The following GRM7 variants were observed in gnomAD, a reference collection of about 807,000 sequenced individuals.
The protein encoded by GRM7 is metabotropic glutamate receptor 7.
A neutral mutation model predicts 84.5 loss-of-function variants in GRM7; 35 were observed. That is an observed-to-expected ratio of 0.41 (90% CI 0.32 to 0.55). The LOEUF is 0.55. GRM7 is among the 20% of genes least tolerant of loss of function. GRM7 has a pLI of 0.19. For missense variants in GRM7, 1,003 were observed against 1,194.6 expected (o/e 0.84, Z 2.36); for synonymous variants, 487 against 455.1 (o/e 1.07, Z -0.89).
intron 9 of GRM7, among the ~76,000 whole-genome samples, chr3:7,730,399 C>A (rs1702283220): frequency 6.6e-6 from 1 of 152,192 alleles, no homozygotes; most frequent in Admixed American, 6.5e-5. Flanking sequence ...TGCACAGTAA[C>A]ATGGCTACAT....
chr3:7,362,287 G>GA (rs1211913794), intron 4 of GRM7, among the ~76,000 whole-genome samples: 1 of 151,874 alleles, frequency 6.6e-6, no homozygotes, highest in Non-Finnish European at 1.5e-5. Flanking sequence ...TGAACATTTT[G>GA]AAACACAGCA....
chr3:7,050,416 C>T (rs746197962), intron 1 of GRM7, among the ~76,000 whole-genome samples: 37 of 151,806 alleles, frequency 2.4e-4, no homozygotes, highest in Non-Finnish European at 4.3e-4. Flanking sequence ...TCATAAGCTT[C>T]GTAGCCTGGA....
chr3:7,712,199 C>G (rs1369257532), intron 9 of GRM7, among the ~76,000 whole-genome samples: 1 of 152,196 alleles, frequency 6.6e-6, no homozygotes, highest in African/African-American at 2.4e-5. Context: ...GTAAACCTTT[C>G]TAGGCCTCAC....
chr3:7,095,591 T>C (rs1276994347), intron 1 of GRM7, among the ~76,000 whole-genome samples: 2 of 152,186 alleles, frequency 1.3e-5, no homozygotes, highest in Non-Finnish European at 2.9e-5. Flanking sequence ...GTCAATGTTT[T>C]CTATTATATC....
intron 7 of GRM7, among the ~76,000 whole-genome samples, chr3:7,528,906 A>C (rs1226611315): frequency 6.6e-6 from 1 of 152,064 alleles, no homozygotes; most frequent in East Asian, 1.9e-4. Flanking sequence ...GTTTTTTTAA[A>C]TTTATTGAGA....
At chr3:7,385,937 A>T (rs1426833786) in intron 4 of GRM7, among the ~76,000 whole-genome samples, 1 of 152,232 alleles carries the variant, frequency 6.6e-6, no homozygotes, top group Non-Finnish European at 1.5e-5. Context: ...GATGCTTCAT[A>T]CTGAAACAAA....
At chr3:7,463,712 A>G (rs1041516381) in intron 7 of GRM7, among the ~76,000 whole-genome samples, 6 of 152,222 alleles carry the variant, frequency 3.9e-5, no homozygotes, top group African/African-American at 1.4e-4. Context: ...AGCAGGTCAG[A>G]TGGCTGATGT....
At chr3:6,945,614 T>C (rs984253586) in intron 1 of GRM7, among the ~76,000 whole-genome samples, 30 of 152,216 alleles carry the variant, frequency 2.0e-4, no homozygotes, top group African/African-American at 7.2e-4. Context: ...TATTTCTAGT[T>C]CTAGATCCCT....
chr3:7,327,680 C>G (rs1190311049), intron 4 of GRM7, among the ~76,000 whole-genome samples: 1 of 152,148 alleles, frequency 6.6e-6, no homozygotes, highest in Non-Finnish European at 1.5e-5. Context: ...CCAACTTTTG[C>G]TCTTTAATCT....
chr3:7,445,337 A>G (rs1697461854), intron 5 of GRM7, among the ~76,000 whole-genome samples: 1 of 152,202 alleles, frequency 6.6e-6, no homozygotes, highest in African/African-American at 2.4e-5. Flanking sequence ...TGGGCAATGA[A>G]GTAACAGAGA....
At chr3:7,067,589 C>A (rs1324672210) in intron 1 of GRM7, among the ~76,000 whole-genome samples, 2 of 151,868 alleles carry the variant, frequency 1.3e-5, no homozygotes, top group East Asian at 1.9e-4. Flanking sequence ...GCATGACTCC[C>A]AGGAATACTC....
At chr3:7,003,849 C>A (rs763460650) in intron 1 of GRM7, among the ~76,000 whole-genome samples, 3 of 152,102 alleles carry the variant, frequency 2.0e-5, no homozygotes, top group Non-Finnish European at 4.4e-5. Context: ...AGCAGGTTAG[C>A]TAACTTGGGG....
chr3:7,007,419 A>C (rs926826127), intron 1 of GRM7, among the ~76,000 whole-genome samples: 13 of 152,228 alleles, frequency 8.5e-5, no homozygotes, highest in African/African-American at 2.9e-4. Flanking sequence ...TTATATCCCC[A>C]AAAATAGAAA....
At chr3:7,500,975 G>A (rs1161993682) in intron 7 of GRM7, among the ~76,000 whole-genome samples, 3 of 152,216 alleles carry the variant, frequency 2.0e-5, no homozygotes, top group Non-Finnish European at 4.4e-5. Flanking sequence ...CTGCAGATCT[G>A]TGAGGGTGAG....
chr3:7,029,531 G>C (rs764093560), intron 1 of GRM7, among the ~76,000 whole-genome samples: 1 of 152,106 alleles, frequency 6.6e-6, no homozygotes, highest in Non-Finnish European at 1.5e-5. Context: ...GTCTAAAAAG[G>C]AATGAAATTC....
In GRM7 at chr3:6,870,927, G is replaced by A. The variant is rs189663189; in HGVS notation, c.519+9020G>A. ...GAAGGTTCCAGAAGTCTGTAGGTCCGAAGAAAGATCTGAACTAGAGATACA... is the reference window on the plus strand; with the variant it reads ...GAAGGTTCCAGAAGTCTGTAGGTCCAAAGAAAGATCTGAACTAGAGATACA... On this transcript the variant is annotated intron_variant, in intron 1 of 9. Transcript: ENST00000357716. Among the ~76,000 whole-genome samples the A allele has an allele frequency of 1.4e-4, 21 of 152,230 alleles. No individual in the cohort carries two copies. In the East Asian group the frequency reaches 1.9e-3, roughly 14 times the overall value.
chr3:6,871,237 T>C (rs1695109845), intron 1 of GRM7, among the ~76,000 whole-genome samples: 1 of 152,340 alleles, frequency 6.6e-6, no homozygotes, highest in Non-Finnish European at 1.5e-5. Context: ...CCTGATGTTA[T>C]AATTGCAACC....
intron 4 of GRM7, among the ~76,000 whole-genome samples, chr3:7,405,891 G>A (rs1304578791): frequency 6.6e-6 from 1 of 151,796 alleles, no homozygotes; most frequent in Non-Finnish European, 1.5e-5. Context: ...TATGTCAACA[G>A]TGTGTTATTA....
At chr3:7,458,583 G>A (rs528944649) in intron 6 of GRM7, among the ~76,000 whole-genome samples, 9 of 152,060 alleles carry the variant, frequency 5.9e-5, no homozygotes, top group African/African-American at 4.8e-5. Flanking sequence ...TTTTAAAACC[G>A]GAACTTTAAT....
Sources: gnomAD v4.1 joint callset for allele counts (sites outside exome capture counted in the v4.1 genomes callset) on GRCh38, gnomAD v4.1.1 for gene constraint, MANE v1.5 for transcripts, NCBI Gene and HGNC (gene_info 2026-07-23, HGNC 2026-07-21) for gene names.